Variants in MACROD2 observed in about 807,000 individuals in gnomAD.
The protein encoded by MACROD2 is mono-ADP ribosylhydrolase 2.
Under a neutral mutation model 70.4 loss-of-function variants are expected in MACROD2, and 36 were observed. The observed-to-expected ratio is 0.51, with a 90% confidence interval of 0.39 to 0.68. The LOEUF is 0.68. Ranked by LOEUF, MACROD2 falls within the 30% of genes least tolerant of loss-of-function variation. MACROD2 has a pLI of 0.00. For synonymous variants in MACROD2, 172 were observed against 178.8 expected (o/e 0.96, Z 0.30); for missense variants, 496 against 538.4 (o/e 0.92, Z 0.78).
chr20:15,953,718 T>C (rs1217173505), intron 12 of MACROD2, among the ~76,000 whole-genome samples: 1 of 152,176 alleles, frequency 6.6e-6, no homozygotes, highest in Non-Finnish European at 1.5e-5. Flanking sequence ...AACTAAATGA[T>C]AGTATGTTTT....
At chr20:14,327,431 C>G in intron 3 of MACROD2, 1 of 1,613,602 alleles carries the variant, frequency 6.2e-7, no homozygotes, top group Non-Finnish European at 8.5e-7. Flanking sequence ...TTAGCCATAA[C>G]TGATAGAGGT....
chr20:14,786,029 G>A (rs1408791118), intron 5 of MACROD2, among the ~76,000 whole-genome samples: 1 of 152,034 alleles, frequency 6.6e-6, no homozygotes, highest in Non-Finnish European at 1.5e-5. Flanking sequence ...ATAAAAAGAA[G>A]GGAAGAATGG....
chr20:15,645,865 G>A (rs1490444202), intron 8 of MACROD2, among the ~76,000 whole-genome samples: 1 of 152,154 alleles, frequency 6.6e-6, no homozygotes, highest in African/African-American at 2.4e-5. Context: ...CACTCTGTTG[G>A]ATTAAGAGGT....
At chr20:15,447,070 GTGTGTGTGTGTGTGTGTC>G (rs2146385891) in intron 7 of MACROD2, among the ~76,000 whole-genome samples, 1 of 151,860 alleles carries the variant, frequency 6.6e-6, no homozygotes, top group South Asian at 2.1e-4. Context: ...GTGTGTGTGT[GTGTGTGTGTGTGTGTGTC>G]TGTGTGTTGT....
chr20:15,896,590 T>C (rs778335995), intron 10 of MACROD2, among the ~76,000 whole-genome samples: 11 of 152,048 alleles, frequency 7.2e-5, no homozygotes, highest in South Asian at 2.1e-4. Flanking sequence ...TCTCTTTCTC[T>C]TTCCTGGAAA....
intron 5 of MACROD2, among the ~76,000 whole-genome samples, chr20:14,964,625 C>T (rs1000508724): frequency 6.6e-6 from 1 of 151,984 alleles, no homozygotes; most frequent in Non-Finnish European, 1.5e-5. Flanking sequence ...CGCACACTAG[C>T]ATCCCTGGAT....
intron 8 of MACROD2, among the ~76,000 whole-genome samples, chr20:15,531,312 CAT>C (rs900179611): frequency 9.5e-5 from 14 of 147,086 alleles, no homozygotes; most frequent in African/African-American, 1.8e-4. Context: ...GATTTAATAA[CAT>C]AAACAAAAAT....
intron 2 of MACROD2, among the ~76,000 whole-genome samples, chr20:14,058,699 A>G (rs1342416451): frequency 7.1e-6 from 1 of 141,374 alleles, no homozygotes; most frequent in Non-Finnish European, 1.5e-5. Flanking sequence ...GCTGGAGTGC[A>G]GTGGCGTGAT....
intron 5 of MACROD2, among the ~76,000 whole-genome samples, chr20:14,987,942 A>G (rs1482025300): frequency 6.6e-6 from 1 of 152,156 alleles, no homozygotes; most frequent in Non-Finnish European, 1.5e-5. Context: ...TTCAGAGTGA[A>G]GCTCTGGATC....
At chr20:15,246,554 C>A (rs1384853469) in intron 6 of MACROD2, among the ~76,000 whole-genome samples, 1 of 151,910 alleles carries the variant, frequency 6.6e-6, no homozygotes, top group African/African-American at 2.4e-5. Flanking sequence ...TTCCCTTAAT[C>A]AAATCAATGG....
chr20:15,049,889 A>G (rs1280945792), intron 5 of MACROD2, among the ~76,000 whole-genome samples: 1 of 151,874 alleles, frequency 6.6e-6, no homozygotes, highest in Non-Finnish European at 1.5e-5. Flanking sequence ...CGGAGGCTGC[A>G]GTAAGCCAAG....
chr20:14,727,184 GAA>G (rs1402376846), intron 5 of MACROD2, among the ~76,000 whole-genome samples: 1 of 152,102 alleles, frequency 6.6e-6, no homozygotes, highest in Admixed American at 6.6e-5. Context: ...GGCTATGGAA[GAA>G]AAGTCTGCCA....
chr20:15,439,255 C>T (rs1600412735), intron 7 of MACROD2, among the ~76,000 whole-genome samples: 1 of 152,184 alleles, frequency 6.6e-6, no homozygotes, highest in African/African-American at 2.4e-5. Flanking sequence ...ATTTCTCACA[C>T]ACCTGTTTGC....
chr20:14,192,417 G>A (rs1480059353), intron 3 of MACROD2, among the ~76,000 whole-genome samples: 3 of 152,150 alleles, frequency 2.0e-5, no homozygotes, highest in Non-Finnish European at 4.4e-5. Flanking sequence ...TGGGAGGATA[G>A]GGAAGTAACA....
intron 5 of MACROD2, among the ~76,000 whole-genome samples, chr20:15,181,938 A>G (rs1253124109): frequency 1.3e-5 from 2 of 152,192 alleles, no homozygotes; most frequent in Non-Finnish European, 2.9e-5. Flanking sequence ...TGCTCAAAGA[A>G]AGTTTCCTTT....
At chr20:14,678,809 T>C (rs563819260) in intron 4 of MACROD2, among the ~76,000 whole-genome samples, 25 of 152,298 alleles carry the variant, frequency 1.6e-4, no homozygotes, top group Admixed American at 1.4e-3. Context: ...GGGTGAACTT[T>C]CAGATTCAAT....
At chr20:14,255,957 G>A (rs1405631279) in intron 3 of MACROD2, among the ~76,000 whole-genome samples, 1 of 151,566 alleles carries the variant, frequency 6.6e-6, no homozygotes, top group Non-Finnish European at 1.5e-5. Context: ...TTAAATCTGT[G>A]GCTTCATATT....
chr20:14,482,749 A>G (rs2084677273), intron 3 of MACROD2, among the ~76,000 whole-genome samples: 1 of 152,244 alleles, frequency 6.6e-6, no homozygotes, highest in Non-Finnish European at 1.5e-5. Context: ...CATATGCTAC[A>G]GTAGTTTAAA....
rs554497790 is a variant in MACROD2, at chr20:14,240,418, G to A, written c.271+154690G>A. On this transcript the variant is annotated intron_variant, in intron 3 of 17. Transcript: ENST00000684519. ...GTTTATTTCAGTACTCTCCATAATT[G>A]CAAAGACATGGAATTAACATAAATG... Among the ~76,000 whole-genome samples the A allele has an allele frequency of 5.9e-5, 9 of 152,270 alleles. No homozygotes were observed. The South Asian group carries it at 1.7e-3, about 28-fold the overall frequency.
Sources: allele counts gnomAD v4.1 joint callset (sites outside exome capture counted in the v4.1 genomes callset), GRCh38; gene constraint gnomAD v4.1.1; transcripts MANE v1.5; gene names NCBI Gene and HGNC (gene_info 2026-07-23, HGNC 2026-07-21).